The following POLR1A variants were observed in gnomAD, a reference collection of about 807,000 sequenced individuals.
POLR1A encodes the protein RNA polymerase I subunit A.
In POLR1A, 84 loss-of-function variants were observed where a neutral mutation model predicts 205.3. The observed-to-expected ratio is 0.41, with a 90% CI of 0.34 to 0.49. The LOEUF is 0.49. Ranked by LOEUF, POLR1A falls within the 20% of genes least tolerant of loss-of-function variation. POLR1A has a pLI of 0.22. For missense variants in POLR1A, 1,645 were observed against 2,204.5 expected, an observed-to-expected ratio of 0.75 and a Z score of 5.08; for synonymous variants, 799 against 863.7, an observed-to-expected ratio of 0.93 and a Z score of 1.31.
At position 86,031,516 on chromosome 2, in the gene POLR1A, T is replaced by C. The variant is rs1672389245; in HGVS notation, c.4392A>G (p.Glu1464=). The C allele has an allele frequency of 6.2e-7, 1 of 1,614,214 alleles. No individual in the cohort carries two copies. Among genetic ancestry groups the C allele is most frequent in the African/African-American group, 1.3e-5 (1 of 75,072 alleles). Residue 1464 remains glutamate, a synonymous_variant, in exon 30 of 34, where the codon GAA becomes GAG. Transcript: ENST00000263857. The part of the protein sequence containing the change: ...EGARKTQEQD[E]EVGLGTEEDP... Reference sequence around the variant, plus strand: ...CCTCCTCAGTGCCTAAGCCCACCTCTTCATCTTGCTCTTGGGTCTTTCGAG... The same window carrying C: ...CCTCCTCAGTGCCTAAGCCCACCTCCTCATCTTGCTCTTGGGTCTTTCGAG...
chr2:86,076,898 A>C (rs565847361), intron 11 of POLR1A, among the ~76,000 whole-genome samples: 84 of 152,270 alleles, frequency 5.5e-4, no homozygotes, highest in Non-Finnish European at 7.9e-4. Context: ...GGACTTTGCA[A>C]AGCTGGTCCT....
chr2:86,041,188 TGTGCGC>T (rs752724892), intron 24 of POLR1A, among the ~76,000 whole-genome samples: 2 of 51,126 alleles, frequency 3.9e-5, no homozygotes, highest in African/African-American at 1.0e-4. Context: ...TGTGTGTGTG[TGTGCGC>T]GCTGAGCTAC....
chr2:86,025,328 C>T lies in POLR1A; in HGVS notation c.*2095G>A, dbSNP rs1231474858. On this transcript the variant is annotated 3_prime_UTR_variant, in exon 34 of 34. Coordinates refer to ENST00000263857, the MANE Select transcript of POLR1A (RefSeq NM_015425.6). ...GGGCACTTACAGTCCTAAGAAGACT[C>T]CAAAGCCTCTGCCATCTTAAGCTGC... 1 of 152,252 alleles carries T rather than the reference C, an allele frequency of 6.6e-6. No individual in the cohort carries two copies. Among genetic ancestry groups the T allele is most frequent in the African/African-American group, 2.4e-5 (1 of 41,456 alleles). 9.4% of individuals were successfully genotyped at this position (152,252 alleles called of 1,614,324 possible).
chr2:86,073,132 G>A (rs1208906854), intron 12 of POLR1A, among the ~76,000 whole-genome samples: 1 of 151,908 alleles, frequency 6.6e-6, no homozygotes, highest in Non-Finnish European at 1.5e-5. Flanking sequence ...CCAGGAGGTG[G>A]AGGCTGAAGC....
chr2:86,040,310 C>G, intron 25 of POLR1A, 82 bp downstream of exon 25: 1 of 1,111,862 alleles, frequency 9.0e-7, no homozygotes, highest in South Asian at 1.9e-5. Context: ...CACACACACT[C>G]ACTCACCCCC....
chr2:86,061,119 C>G (rs1672985819), intron 14 of POLR1A, among the ~76,000 whole-genome samples: 1 of 152,120 alleles, frequency 6.6e-6, no homozygotes, highest in South Asian at 2.1e-4. Flanking sequence ...CTCACCTGAA[C>G]AGCTAAAATT....
chr2:86,100,582 A>G (rs939063313), intron 1 of POLR1A, among the ~76,000 whole-genome samples: 17 of 149,090 alleles, frequency 1.1e-4, no homozygotes, highest in Admixed American at 2.0e-4. Context: ...TGCCCAGGCT[A>G]GAGTGTAGTG....
At chr2:86,055,824 C>T (rs1426721277) in intron 14 of POLR1A, among the ~76,000 whole-genome samples, 1 of 152,234 alleles carries the variant, frequency 6.6e-6, no homozygotes, top group East Asian at 1.9e-4. Flanking sequence ...CTACTACTAA[C>T]ATGCTCAATG....
intron 27 of POLR1A, among the ~76,000 whole-genome samples, chr2:86,034,029 G>A (rs1227526592): frequency 6.6e-6 from 1 of 152,210 alleles, no homozygotes; most frequent in African/African-American, 2.4e-5. Flanking sequence ...CACTCCCGGG[G>A]TATGAGTAGG....
At chr2:86,056,040 C>T (rs1337162489) in intron 14 of POLR1A, among the ~76,000 whole-genome samples, 1 of 152,110 alleles carries the variant, frequency 6.6e-6, no homozygotes, top group Non-Finnish European at 1.5e-5. Flanking sequence ...TAAGTGCCAA[C>T]AAAACAAATT....
intron 13 of POLR1A, among the ~76,000 whole-genome samples, chr2:86,069,090 C>T (rs535244681): frequency 6.6e-6 from 1 of 152,252 alleles, no homozygotes; most frequent in Non-Finnish European, 1.5e-5. Context: ...ATAGCACCTA[C>T]CTCCAAGGAC....
intron 2 of POLR1A, 69 bp downstream of exon 2, chr2:86,099,899 T>C: frequency 1.5e-6 from 2 of 1,306,266 alleles, no homozygotes; most frequent in South Asian, 1.2e-5. Flanking sequence ...ACCACTCTTG[T>C]GGGAGAGAGG....
intron 1 of POLR1A, among the ~76,000 whole-genome samples, chr2:86,103,215 G>C (rs994197380): frequency 1.3e-5 from 2 of 152,172 alleles, no homozygotes; most frequent in African/African-American, 2.4e-5. Context: ...GAGGAACTTG[G>C]GCAAAGGCTG....
intron 30 of POLR1A, 101 bp from the exon 31 acceptor site, chr2:86,030,497 C>T (rs748135472): frequency 9.4e-6 from 8 of 850,168 alleles, no homozygotes; most frequent in South Asian, 3.1e-5. Flanking sequence ...AACTCCCTGG[C>T]TGGGGGAAAG....
At chr2:86,066,091 T>C (rs573312126) in intron 13 of POLR1A, among the ~76,000 whole-genome samples, 2 of 152,162 alleles carry the variant, frequency 1.3e-5, no homozygotes, top group Non-Finnish European at 2.9e-5. Flanking sequence ...GGTCATAATA[T>C]AGACTTGAGG....
rs770121148 is a variant in POLR1A, at chr2:86,042,038, A to G, written c.3423T>C (p.Ala1141=). The change falls in exon 24 of 34, where the codon GCT becomes GCC. Residue 1141 remains alanine, a synonymous_variant. Coordinates refer to ENST00000263857, the MANE Select transcript of POLR1A (RefSeq NM_015425.6). ...SRRKYQKKAA[A]CPDPSLSVWR... ...AGACAGACAGACTGGGGTCAGGACA[A>G]GCGGCCGCCTTCTTCTGGTATTTCC... is the stretch of plus-strand genomic sequence containing the variant. The G allele has an allele frequency of 4.3e-6, 7 of 1,613,922 alleles. 1 individual carries two copies. In the South Asian group the frequency reaches 7.7e-5, roughly 18 times the overall value.
chr2:86,065,743 A>G, intron 13 of POLR1A: 1 of 371,492 alleles, frequency 2.7e-6, no homozygotes. Context: ...TCTCTGTTTA[A>G]TCCCATCTGG....
At chr2:86,060,847 T>G (rs1433853421) in intron 14 of POLR1A, among the ~76,000 whole-genome samples, 2 of 152,186 alleles carry the variant, frequency 1.3e-5, no homozygotes, top group Non-Finnish European at 2.9e-5. Context: ...CTTCTGATCA[T>G]TAGAAAACAG....
Position 86,065,395 on chromosome 2 carries a change from C to G in POLR1A, c.1937G>C (p.Cys646Ser), listed in dbSNP as rs1415819263. 6.2e-7 allele frequency: 1 copy of G among 1,614,168 alleles called. No homozygotes were observed. The highest frequency in any genetic ancestry group is 8.5e-7 in the Non-Finnish European group (1 of 1,179,998). The part of the protein sequence containing the change: ...VSGASMTTRG[C>S]FFTREHYMEL... ...CATATAGTGCTCCCGGGTGAAAAAG[C>G]AACCCCGAGTAGTCATGCTTGCCCC... The change falls in exon 14 of 34, where the codon TGC (cysteine) becomes TCC (serine). Residue 646 changes from cysteine to serine, a missense_variant. This residue lies in a region of POLR1A where 339 missense variants were observed against 415.1 expected (regional missense o/e 0.82). Coordinates refer to ENST00000263857, the MANE Select transcript of POLR1A (RefSeq NM_015425.6).
Sources: allele counts gnomAD v4.1 joint callset (sites outside exome capture counted in the v4.1 genomes callset), GRCh38; gene constraint gnomAD v4.1.1; regional missense constraint gnomAD v4.1.1; transcripts MANE v1.5; gene names NCBI Gene and HGNC (gene_info 2026-07-23, HGNC 2026-07-21).